The following ENOX1 variants were observed in gnomAD, a reference collection of about 807,000 sequenced individuals.
ENOX1 encodes the protein ecto-NOX disulfide-thiol exchanger 1, also known as candidate growth-related and time keeping constitutive hydroquinone (NADH) oxidase.
Under a neutral mutation model 82.5 loss-of-function variants are expected in ENOX1, and 42 were observed. The observed-to-expected ratio is 0.51, with a 90% CI of 0.40 to 0.66. The LOEUF is 0.66. Among genes scored for constraint, ENOX1 ranks in the 30% least tolerant of loss-of-function variants. The pLI is 0.00. For missense variants in ENOX1, 608 were observed against 811.6 expected, an observed-to-expected ratio of 0.75 and a Z score of 3.05; for synonymous variants, 271 against 282.2, an observed-to-expected ratio of 0.96 and a Z score of 0.40.
chr13:43,469,559 A>G (rs1486373209), intron 3 of ENOX1, among the ~76,000 whole-genome samples: 1 of 151,996 alleles, frequency 6.6e-6, no homozygotes, highest in Non-Finnish European at 1.5e-5. Context: ...TGAGTAATAA[A>G]TATAATAGTA....
chr13:43,383,841 T>A (rs1161206069), intron 5 of ENOX1, among the ~76,000 whole-genome samples: 1 of 152,216 alleles, frequency 6.6e-6, no homozygotes, highest in African/African-American at 2.4e-5. Context: ...GCTTTCTCCT[T>A]CTGGACACCA....
rs115787355 is a variant in ENOX1 at position 43,408,777 on chromosome 13, C to T, written c.208+3139G>A. Among the ~76,000 whole-genome samples, 828 of 151,918 alleles carry T rather than the reference C, an allele frequency of 5.5e-3. 3 individuals are homozygous for T. Among genetic ancestry groups the T allele is most frequent in the African/African-American group, 0.019 (782 of 41,430 alleles). On this transcript the variant is annotated intron_variant, in intron 5 of 16. Transcript: ENST00000690772. ...AAAGAATAGATATTTCAGAAATAGA[C>T]AAAAATATGCATAAGAATTTAATTT... is the stretch of plus-strand genomic sequence containing the variant.
chr13:43,352,695 T>C (rs1434464154), intron 8 of ENOX1, among the ~76,000 whole-genome samples: 1 of 152,210 alleles, frequency 6.6e-6, no homozygotes, highest in African/African-American at 2.4e-5. Context: ...TTTTAGAATT[T>C]GTATTAATGT....
chr13:43,535,638 A>G (rs1456374437), intron 2 of ENOX1, among the ~76,000 whole-genome samples: 2 of 152,176 alleles, frequency 1.3e-5, no homozygotes, highest in African/African-American at 4.8e-5. Context: ...GTTTCAGCCC[A>G]TGAGCAGCAC....
chr13:43,533,491 C>T, intron 2 of ENOX1, among the ~76,000 whole-genome samples: 1 of 152,128 alleles, frequency 6.6e-6, no homozygotes, highest in East Asian at 1.9e-4. Flanking sequence ...GTCCTGGGTA[C>T]ATGAGTTTTG....
At chr13:43,337,444 G>A (rs1488769106) in intron 9 of ENOX1, among the ~76,000 whole-genome samples, 1 of 152,204 alleles carries the variant, frequency 6.6e-6, no homozygotes, top group Non-Finnish European at 1.5e-5. Flanking sequence ...AACAAGCGCT[G>A]CAGAAGGTAG....
chr13:43,315,256 A>T (rs1427268343), intron 11 of ENOX1, among the ~76,000 whole-genome samples: 2 of 152,248 alleles, frequency 1.3e-5, no homozygotes, highest in Non-Finnish European at 2.9e-5. Flanking sequence ...TTCATTTTTT[A>T]AAATGTTACA....
At chr13:43,520,871 C>T (rs2077738401) in intron 2 of ENOX1, among the ~76,000 whole-genome samples, 1 of 152,130 alleles carries the variant, frequency 6.6e-6, no homozygotes, top group Admixed American at 6.6e-5. Context: ...TATTTAAGAT[C>T]AGTGGTGGTC....
chr13:43,585,840 G>A (rs563292153), intron 2 of ENOX1, among the ~76,000 whole-genome samples: 1 of 152,294 alleles, frequency 6.6e-6, no homozygotes, highest in Admixed American at 6.5e-5. Context: ...GCCTCCCAAA[G>A]TGCTGGGATT....
chr13:43,717,594 G>C (rs992423215), intron 1 of ENOX1, among the ~76,000 whole-genome samples: 3 of 151,726 alleles, frequency 2.0e-5, no homozygotes, highest in Non-Finnish European at 4.4e-5. Flanking sequence ...CTATCAACAG[G>C]GTAAACAGAC....
At chr13:43,304,846 T>C (rs1274873751) in intron 11 of ENOX1, among the ~76,000 whole-genome samples, 1 of 152,202 alleles carries the variant, frequency 6.6e-6, no homozygotes, top group African/African-American at 2.4e-5. Flanking sequence ...CATAGACCCA[T>C]GCTGATCTCA....
chr13:43,535,682 C>A (rs939435617), intron 2 of ENOX1, among the ~76,000 whole-genome samples: 1 of 152,048 alleles, frequency 6.6e-6, no homozygotes, highest in African/African-American at 2.4e-5. Context: ...TACTTGCTCC[C>A]CATGGTATTT....
intron 14 of ENOX1, among the ~76,000 whole-genome samples, chr13:43,250,520 A>G (rs2043393546): frequency 6.6e-6 from 1 of 152,190 alleles, no homozygotes; most frequent in Non-Finnish European, 1.5e-5. Context: ...ATCCAAATCA[A>G]TGTGATTTCT....
At chr13:43,572,670 A>G (rs2080236178) in intron 2 of ENOX1, among the ~76,000 whole-genome samples, 1 of 152,234 alleles carries the variant, frequency 6.6e-6, no homozygotes, top group South Asian at 2.1e-4. Context: ...CTTTTCAGAC[A>G]CACAAGGTCT....
chr13:43,456,375 C>T (rs4494445), intron 3 of ENOX1, among the ~76,000 whole-genome samples: 1 of 151,570 alleles, frequency 6.6e-6, no homozygotes, highest in Non-Finnish European at 1.5e-5. Context: ...ATGAAACAAA[C>T]GATTCATTTA....
intron 5 of ENOX1, among the ~76,000 whole-genome samples, chr13:43,402,245 T>C (rs1178803147): frequency 6.6e-6 from 1 of 152,168 alleles, no homozygotes; most frequent in African/African-American, 2.4e-5. Context: ...TAATGCTCAA[T>C]TATGAGAAAA....
At chr13:43,585,513 C>T (rs946735774) in intron 2 of ENOX1, among the ~76,000 whole-genome samples, 4 of 152,242 alleles carry the variant, frequency 2.6e-5, no homozygotes, top group Admixed American at 6.5e-5. Context: ...TCACAGTTAA[C>T]CACCCTGCCA....
intron 1 of ENOX1, among the ~76,000 whole-genome samples, chr13:43,667,748 G>A (rs887334870): frequency 1.3e-5 from 2 of 152,184 alleles, no homozygotes; most frequent in Admixed American, 1.3e-4. Context: ...CAATAAATGT[G>A]AAGGTCTCAT....
intron 11 of ENOX1, among the ~76,000 whole-genome samples, chr13:43,319,972 G>A (rs149973457): frequency 4.6e-5 from 7 of 152,304 alleles, no homozygotes; most frequent in African/African-American, 1.7e-4. Context: ...AGAAGATACC[G>A]CTGGAAGGTG....
Sources: gnomAD v4.1 joint callset for allele counts (sites outside exome capture counted in the v4.1 genomes callset) on GRCh38, gnomAD v4.1.1 for gene constraint, MANE v1.5 for transcripts, NCBI Gene and HGNC (gene_info 2026-07-23, HGNC 2026-07-21) for gene names.